Variants in CTBP1 observed in about 807,000 individuals in gnomAD.
CTBP1 encodes the protein C-terminal binding protein 1, also known as C-terminal-binding protein 1.
Under a neutral mutation model 42.1 loss-of-function variants are expected in CTBP1, and 11 were observed. The ratio of observed to expected loss-of-function variants is 0.26; its 90% CI spans 0.16 to 0.43. The LOEUF (loss-of-function observed/expected upper bound fraction) is 0.43. Among genes scored for constraint, CTBP1 ranks in the 20% least tolerant of loss-of-function variants. The pLI, the probability that CTBP1 is intolerant of heterozygous loss-of-function variation, is 1.00. For missense variants in CTBP1, 399 were observed against 624.3 expected (o/e 0.64, Z 3.85); for synonymous variants, 324 against 277.1 (o/e 1.17, Z -1.68).
intron 3 of CTBP1, among the ~76,000 whole-genome samples, chr4:1,228,801 C>T (rs147730569): frequency 6.6e-6 from 1 of 152,170 alleles, no homozygotes; most frequent in Non-Finnish European, 1.5e-5. Flanking sequence ...GACCTGCAGG[C>T]CCGGGGATGC....
In CTBP1 at chr4:1,225,224, CTCAG is replaced by C. The variant is rs913097434; in HGVS notation, c.514+132_514+135del. On this transcript the variant is annotated intron_variant, in intron 5 of 9. Coordinates refer to ENST00000382952, the MANE Select transcript of CTBP1 (RefSeq NM_001012614.2). ...TCCCGGGCCCTGGTGCCTGTGCGCA[CTCAG>C]TCCTGTCCTGGGTTGGGACCGACAC... The C allele has an allele frequency of 1.9e-5, 20 of 1,057,970 alleles. No homozygotes were observed. The African/African-American group carries it at 1.9e-4, about 10-fold the overall frequency. The allele number at this position is 1,057,970 out of a possible 1,614,324, so 65.5% of individuals were successfully genotyped here.
intron 3 of CTBP1, among the ~76,000 whole-genome samples, chr4:1,228,692 A>G (rs1037275751): frequency 7.7e-5 from 11 of 142,310 alleles, no homozygotes; most frequent in Admixed American, 7.0e-4. Context: ...TGTGGAAGAA[A>G]CGGGGTCCCG....
intron 1 of CTBP1, 52 bp from the exon 2 acceptor site, chr4:1,241,571 G>C (rs1732179609): frequency 1.3e-6 from 2 of 1,513,830 alleles, no homozygotes; most frequent in East Asian, 5.1e-5. Context: ...GGTCCGACCA[G>C]AACTCACAGA....
chr4:1,245,436 A>G, intron 1 of CTBP1: 2 of 985,102 alleles, frequency 2.0e-6, no homozygotes, highest in Non-Finnish European at 2.4e-6. Context: ...CCCCTTCCCA[A>G]CACAGTCTAC....
At chr4:1,220,029 T>C (rs1729559204) in intron 5 of CTBP1, among the ~76,000 whole-genome samples, 1 of 152,062 alleles carries the variant, frequency 6.6e-6, no homozygotes, top group Non-Finnish European at 1.5e-5. Context: ...TGGCAAAAAC[T>C]TGTCTCTACT....
chr4:1,243,408 C>T (rs1010827191), intron 1 of CTBP1: 8 of 985,272 alleles, frequency 8.1e-6, no homozygotes, highest in African/African-American at 3.5e-5. Context: ...TGAGGGGCTG[C>T]ACCCCATGCC....
intron 1 of CTBP1, chr4:1,243,698 C>T (rs971052232): frequency 2.0e-5 from 20 of 985,350 alleles, no homozygotes; most frequent in East Asian, 1.1e-4. Context: ...TGGCCTCCTA[C>T]GGCCTTCCTG....
Position 1,244,281 on chromosome 4 carries a change from C to T in CTBP1, c.-188-2762G>A, listed in dbSNP as rs1732490450. The T allele has an allele frequency of 3.0e-6, 3 of 985,200 alleles. No individual in the cohort carries two copies. In the South Asian group the frequency reaches 1.4e-4, roughly 46 times the overall value. The allele number at this position is 985,200 out of a possible 1,614,324, so 61.0% of individuals were successfully genotyped here. A position where few individuals can be genotyped will look rare whatever the true frequency, so the allele number is the denominator to read the frequency against. ...TCTGGTCTGGAGAGGGACCGGGTTG[C>T]CCCGGCACACTGGGGGTCACCATGG... On this transcript the variant is annotated intron_variant, in intron 1 of 9. Coordinates refer to ENST00000382952, the MANE Select transcript of CTBP1 (RefSeq NM_001012614.2).
intron 1 of CTBP1, chr4:1,243,061 C>CTCATTG (rs1233015322): frequency 1.0e-6 from 1 of 985,332 alleles, no homozygotes. Context: ...CCGGCTGATA[C>CTCATTG]TCATTGATAC....
chr4:1,247,454 G>C (rs2108810803), intron 1 of CTBP1, among the ~76,000 whole-genome samples: 1 of 152,246 alleles, frequency 6.6e-6, no homozygotes, highest in Admixed American at 6.5e-5. Flanking sequence ...GGCCAGGCCC[G>C]GGCAGGCAGG....
intron 5 of CTBP1, among the ~76,000 whole-genome samples, chr4:1,224,100 G>A (rs1180385811): frequency 6.6e-6 from 1 of 152,250 alleles, no homozygotes; most frequent in Non-Finnish European, 1.5e-5. Context: ...AGCTCCAGGG[G>A]ACTCAAGGGG....
chr4:1,228,446 C>G, intron 3 of CTBP1, 103 bp from the exon 4 acceptor site: 1 of 1,413,368 alleles, frequency 7.1e-7, no homozygotes, highest in Non-Finnish European at 9.6e-7. Flanking sequence ...CTGTGGCCCT[C>G]AGGCTTGTTC....
chr4:1,214,566 GCCCAGCTCCCTAGCCCCTT>G, intron 6 of CTBP1, 93 bp from the exon 7 acceptor site: 1 of 1,442,100 alleles, frequency 6.9e-7, no homozygotes, highest in Non-Finnish European at 9.2e-7. Flanking sequence ...CGTTGGGAAG[GCCCAGCTCCCTAGCCCCTT>G]CCCAGCCCCA....
intron 3 of CTBP1, chr4:1,232,785 A>G (rs1235359130): frequency 6.6e-6 from 1 of 152,256 alleles, no homozygotes; most frequent in Non-Finnish European, 1.5e-5. Context: ...TGGCCGCTTC[A>G]GTAGGCAGCG....
intron 1 of CTBP1, chr4:1,244,802 T>C (rs575173808): frequency 3.5e-4 from 349 of 985,202 alleles, no homozygotes; most frequent in Middle Eastern, 5.2e-4. Context: ...TGGGCATTGG[T>C]GAGATGCCCC....
Position 1,212,981 on chromosome 4 carries a change from T to C in CTBP1, c.1038A>G (p.Thr346=). Residue 346 remains threonine, a synonymous_variant, in exon 9 of 10, where the codon ACA becomes ACG. Transcript: ENST00000382952. ...CCATGCTGGCCCAGTGGGTGGCGGC[T>C]GTCAGATGGTCCTTGTTGACACAGT... ...LKNCVNKDHL[T]AATHWASMDP... is the part of the protein sequence containing the mutation. The C allele has an allele frequency of 6.2e-7, 1 of 1,613,882 alleles. No individual in the cohort carries two copies. Among genetic ancestry groups the C allele is most frequent in the Non-Finnish European group, 8.5e-7 (1 of 1,179,994 alleles).
chr4:1,212,196 C>A lies in CTBP1; in HGVS notation c.*44G>T. The A allele has an allele frequency of 7.2e-7, 1 of 1,385,764 alleles. No homozygotes were observed. Among genetic ancestry groups the A allele is most frequent in the Non-Finnish European group, 9.4e-7 (1 of 1,061,120 alleles). 85.8% of individuals were successfully genotyped at this position (1,385,764 alleles called of 1,614,324 possible). A position where few individuals can be genotyped will look rare whatever the true frequency, so the allele number is the denominator to read the frequency against. On this transcript the variant is annotated 3_prime_UTR_variant, in exon 10 of 10. Coordinates refer to ENST00000382952, the MANE Select transcript of CTBP1 (RefSeq NM_001012614.2). ...CCACACACTCTGGTCCGAGGGTTTC[C>A]GGGCCCTCTGCCCAGGCGCCGAGGC...
chr4:1,224,437 ATC>A (rs761684616), intron 5 of CTBP1, among the ~76,000 whole-genome samples: 4 of 145,658 alleles, frequency 2.7e-5, no homozygotes, highest in Admixed American at 1.4e-4. Flanking sequence ...GTACTGTGAC[ATC>A]TGTGTGTTAT....
At chr4:1,229,516 C>G (rs557440384) in intron 3 of CTBP1, among the ~76,000 whole-genome samples, 1 of 152,244 alleles carries the variant, frequency 6.6e-6, no homozygotes, top group Non-Finnish European at 1.5e-5. Flanking sequence ...GTACTCCTGA[C>G]GGATCAATGG....
Sources: allele counts gnomAD v4.1 joint callset (sites outside exome capture counted in the v4.1 genomes callset), GRCh38; gene constraint gnomAD v4.1.1; transcripts MANE v1.5; gene names NCBI Gene and HGNC (gene_info 2026-07-23, HGNC 2026-07-21).